EPHB4: variants seen among roughly 807,000 people sequenced by gnomAD.
EPHB4 encodes the protein ephrin type-B receptor 4.
A neutral mutation model predicts 110.6 loss-of-function variants in EPHB4; 50 were observed. That is an observed-to-expected ratio of 0.45 (90% CI 0.36 to 0.57). EPHB4 has a LOEUF of 0.57. EPHB4 is among the 20% of genes least tolerant of loss of function. The pLI, the probability that EPHB4 is intolerant of heterozygous loss-of-function variation, is 0.00. For synonymous variants in EPHB4, 592 were observed against 578.4 expected, an observed-to-expected ratio of 1.02 and a Z score of -0.34; for missense variants, 1,128 against 1,382.1, an observed-to-expected ratio of 0.82 and a Z score of 2.91.
At position 100,820,250 on chromosome 7, in the gene EPHB4, G is replaced by A. The variant is rs1441927981; in HGVS notation, c.855C>T (p.Cys285=). The A allele has an allele frequency of 6.2e-7, 1 of 1,614,034 alleles. No homozygotes were observed. Among genetic ancestry groups the A allele is most frequent in the Non-Finnish European group, 8.5e-7 (1 of 1,179,994 alleles). Residue 285 remains cysteine (C), a synonymous_variant, in exon 5 of 17, where the codon TGC becomes TGT. Transcript: ENST00000358173. ...TFKPLSGEGS[C]QPCPANSHSN... is the part of the protein sequence containing the mutation. ...AGTGGCTATTGGCTGGGCATGGCTG[G>A]CAGGACCCTTCTCCTGACAGGGGCT...
intron 12 of EPHB4, among the ~76,000 whole-genome samples, chr7:100,810,628 A>G (rs1269261569): frequency 6.6e-6 from 1 of 152,104 alleles, no homozygotes; most frequent in Non-Finnish European, 1.5e-5. Flanking sequence ...CTGTAGTTCC[A>G]GCTACCCAGG....
At position 100,805,625 on chromosome 7, in the gene EPHB4, G is replaced by C. The variant is rs1230874925; in HGVS notation, c.2554C>G (p.Leu852Val). 1.3e-6 allele frequency: 2 copies of C among 1,559,772 alleles called. No individual in the cohort carries two copies. The highest frequency in any genetic ancestry group is 2.3e-5 in the East Asian group (1 of 44,094). Residue 852 changes from leucine to valine, a missense_variant, in exon 15 of 17, where the codon CTC (leucine) becomes GTC (valine). Leu to Val is a conservative substitution (Grantham distance 32). This residue lies in a region of EPHB4 where 209 missense variants were observed against 240.5 expected (regional missense o/e 0.87). Transcript: ENST00000358173. Reference protein sequence around the residue: ...PPDCPTSLHQLMLDCWQKDRN... With the variant: ...PPDCPTSLHQVMLDCWQKDRN... ...TCTTTCTGCCAACAGTCCAGCATGA[G>C]CTGGTGGAGGGAGGTGGGACAGTCT...
chr7:100,813,774 C>T (rs1813003091), intron 9 of EPHB4, 58 bp from the exon 10 acceptor site: 12 of 1,610,988 alleles, frequency 7.4e-6, no homozygotes, highest in Non-Finnish European at 1.0e-5. Flanking sequence ...TTATGAGGCA[C>T]ACACACCAAA....
rs200520910 is a variant in EPHB4 at position 100,812,822 on chromosome 7, G to A, written c.2043C>T (p.Gly681=). The part of the protein sequence containing the change: ...FEHPNIIRLE[G]VVTNSMPVMI... ...TGACGGGCATGCTGTTGGTGACCACGCCCTCCAGGCGGATGATATTGGGGT... is the reference window on the plus strand; with the variant it reads ...TGACGGGCATGCTGTTGGTGACCACACCCTCCAGGCGGATGATATTGGGGT... The change falls in exon 12 of 17, where the codon GGC becomes GGT. Residue 681 remains glycine (G), a synonymous_variant. Transcript: ENST00000358173. 10 of 1,614,228 alleles carry A rather than the reference G, an allele frequency of 6.2e-6. No homozygotes were observed. The highest frequency in any genetic ancestry group is 1.6e-4 in the Middle Eastern group (1 of 6,062).
intron 12 of EPHB4, among the ~76,000 whole-genome samples, chr7:100,809,851 C>T (rs933911679): frequency 6.6e-6 from 1 of 152,194 alleles, no homozygotes; most frequent in Non-Finnish European, 1.5e-5. Flanking sequence ...CGGTGGCTCA[C>T]GCGTTTAATC....
rs535065370 is a variant in EPHB4 at position 100,820,397 on chromosome 7, G to A, written c.809-101C>T. 159 of 1,426,250 alleles carry A rather than the reference G, an allele frequency of 1.1e-4. No homozygotes were observed. The South Asian group carries it at 2.2e-3, about 20-fold the overall frequency. 88.3% of individuals were successfully genotyped at this position (1,426,250 alleles called of 1,614,324 possible). A position where few individuals can be genotyped will look rare whatever the true frequency, so the allele number is the denominator to read the frequency against. On this transcript the variant is annotated intron_variant, in intron 4 of 16. Transcript: ENST00000358173. ...TCGAATCCCAGCACTTTGGGAGGCT[G>A]AGGCTGGAGGATCGCTTGAGCCAAG...
chr7:100,816,907 C>T (rs1372321942), intron 8 of EPHB4, among the ~76,000 whole-genome samples: 1 of 151,976 alleles, frequency 6.6e-6, no homozygotes, highest in Non-Finnish European at 1.5e-5. Context: ...CGCGGTGAAG[C>T]CCCGTCTCTA....
At chr7:100,824,070 A>C in intron 2 of EPHB4, 133 bp downstream of exon 2, 1 of 1,528,160 alleles carries the variant, frequency 6.5e-7, no homozygotes, top group Non-Finnish European at 8.9e-7. Context: ...AGAAGGGCTC[A>C]GACGACACTG....
chr7:100,819,142 C>T (rs1813154654), intron 6 of EPHB4, among the ~76,000 whole-genome samples: 1 of 151,438 alleles, frequency 6.6e-6, no homozygotes, highest in African/African-American at 2.4e-5. Flanking sequence ...GGATCTCACA[C>T]TGCTCTGTCA....
At chr7:100,807,887 C>T (rs1812851450) in intron 12 of EPHB4, among the ~76,000 whole-genome samples, 1 of 152,140 alleles carries the variant, frequency 6.6e-6, no homozygotes, top group East Asian at 1.9e-4. Flanking sequence ...CCTGGGTCTC[C>T]CAAAGCACTG....
intron 7 of EPHB4, among the ~76,000 whole-genome samples, chr7:100,817,735 G>T (rs1250022480): frequency 6.6e-6 from 1 of 151,876 alleles, no homozygotes; most frequent in African/African-American, 2.4e-5. Flanking sequence ...TCACCTTGTT[G>T]GCCAGGCTGG....
Position 100,813,988 on chromosome 7 carries a change from A to G in EPHB4, c.1622T>C (p.Ile541Thr), listed in dbSNP as rs1333388190. Reference sequence around the variant, plus strand: ...CACACCCACGACTGCCGTGCCCGCAATCAGGGCCAGCTGCTCCCGCCAGCC... The same window carrying G: ...CACACCCACGACTGCCGTGCCCGCAGTCAGGGCCAGCTGCTCCCGCCAGCC... ...SEGWREQLAL[I>T]AGTAVVGVVL... Residue 541 changes from isoleucine to threonine, a missense_variant, in exon 9 of 17, where the codon ATT becomes ACT. By Grantham distance (89) the Ile-to-Thr change is moderately conservative. Coordinates refer to ENST00000358173, the MANE Select transcript of EPHB4 (RefSeq NM_004444.5). 6.2e-7 allele frequency: 1 copy of G among 1,614,034 alleles called. No homozygotes were observed. The highest frequency in any genetic ancestry group is 1.3e-5 in the African/African-American group (1 of 74,942).
rs927472085 is a variant in EPHB4 at position 100,807,535 on chromosome 7, G to A, written c.2164C>T (p.Arg722Trp). ...TACCGCATGCCCGAGGCGATGCCCC[G>A]CAGCATGCCCACGAGCTGGATGACT... is the stretch of plus-strand genomic sequence containing the variant. ...FTVIQLVGMLRGIASGMRYLA... is the reference protein window; with the variant it reads ...FTVIQLVGMLWGIASGMRYLA... Residue 722 changes from arginine (R) to tryptophan (W), a missense_variant, in exon 13 of 17, where the codon CGG (arginine) becomes TGG (tryptophan). By Grantham distance (101) the Arg-to-Trp change is moderately radical. This residue lies in a region of EPHB4 where 191 missense variants were observed against 313.0 expected (regional missense o/e 0.61). Coordinates refer to ENST00000358173, the MANE Select transcript of EPHB4 (RefSeq NM_004444.5). 11 of 1,614,126 alleles carry A rather than the reference G, an allele frequency of 6.8e-6. No individual in the cohort carries two copies. Among genetic ancestry groups the A allele is most frequent in the Non-Finnish European group, 9.3e-6 (11 of 1,180,020 alleles).
Position 100,805,694 on chromosome 7 carries a change from C to T in EPHB4, c.2485G>A (p.Val829Met). ...TAGTCCTGTTCAATGGCATTGATCACCTGGAAAGAGGGGAAGAAGCTCTGG... is the reference window on the plus strand; with the variant it reads ...TAGTCCTGTTCAATGGCATTGATCATCTGGAAAGAGGGGAAGAAGCTCTGG... Reference protein sequence around the residue: ...RPYWDMSNQDVINAIEQDYRL... With the variant: ...RPYWDMSNQDMINAIEQDYRL... Residue 829 changes from valine to methionine, a missense_variant and splice_region_variant, in exon 15 of 17, where the codon GTG (valine) becomes ATG (methionine). This residue lies in a region of EPHB4 where 209 missense variants were observed against 240.5 expected (regional missense o/e 0.87). Coordinates refer to ENST00000358173, the MANE Select transcript of EPHB4 (RefSeq NM_004444.5). 1.4e-6 allele frequency: 2 copies of T among 1,469,312 alleles called. No individual in the cohort carries two copies. The highest frequency in any genetic ancestry group is 1.8e-6 in the Non-Finnish European group (2 of 1,110,550). 91.0% of individuals were successfully genotyped at this position (1,469,312 alleles called of 1,614,324 possible).
chr7:100,813,292 C>T, intron 10 of EPHB4, 84 bp from the exon 11 acceptor site: 1 of 1,045,218 alleles, frequency 9.6e-7, no homozygotes, highest in Non-Finnish European at 1.4e-6. Context: ...TAGCCCCAAA[C>T]CCCTGTCTCC....
intron 6 of EPHB4, 110 bp downstream of exon 6, chr7:100,819,447 C>A: frequency 1.6e-6 from 2 of 1,268,588 alleles, no homozygotes; most frequent in Non-Finnish European, 2.2e-6. Flanking sequence ...AAAGCCTTAG[C>A]CCCTCACACT....
At position 100,822,608 on chromosome 7, in the gene EPHB4, C is replaced by G. The variant is rs889842955; in HGVS notation, c.471G>C (p.Gly157=). 2 of 1,605,774 alleles carry G rather than the reference C, an allele frequency of 1.2e-6. No homozygotes were observed. Among genetic ancestry groups the G allele is most frequent in the Non-Finnish European group, 1.7e-6 (2 of 1,174,720 alleles). The change falls in exon 4 of 17, where the codon GGG becomes GGC. Residue 157 remains glycine, a synonymous_variant. Transcript: ENST00000358173. The surrounding 1 kb of genome is among the most constrained non-coding windows in gnomAD (Gnocchi z 4.7). ...GACGCAGCGTCTTGACATTCACCTT[C>G]CCGGTGGCCTCGGCCCCAGGGCGCT... ...TRKRPGAEAT[G]KVNVKTLRLG... is the part of the protein sequence containing the mutation.
chr7:100,817,864 T>TA (rs980341097), intron 7 of EPHB4, among the ~76,000 whole-genome samples: 3 of 124,088 alleles, frequency 2.4e-5, no homozygotes, highest in Non-Finnish European at 5.0e-5. Context: ...TTTGCGTTTT[T>TA]TTTTTTTTTT....
Position 100,822,111 on chromosome 7 carries a change from G to A in EPHB4, c.808+160C>T, listed in dbSNP as rs914746633. 3.3e-5 allele frequency among the ~76,000 whole-genome samples: 5 copies of A among 152,200 alleles called. No individual in the cohort carries two copies. Among genetic ancestry groups the A allele is most frequent in the African/African-American group, 1.2e-4 (5 of 41,450 alleles). On this transcript the variant is annotated intron_variant, in intron 4 of 16. Transcript: ENST00000358173. The surrounding 1 kb of genome is among the most constrained non-coding windows in gnomAD (Gnocchi z 4.7). Reference sequence around the variant, plus strand: ...GACCCGGGAGGCAAAGGTTGCAGTTGAGCAGAGATTGTGCCACTGCACTCC... The same window carrying A: ...GACCCGGGAGGCAAAGGTTGCAGTTAAGCAGAGATTGTGCCACTGCACTCC...
Sources: allele counts gnomAD v4.1 joint callset (sites outside exome capture counted in the v4.1 genomes callset), GRCh38; gene constraint gnomAD v4.1.1; regional missense constraint gnomAD v4.1.1; non-coding constraint Gnocchi (gnomAD v3.1); transcripts MANE v1.5; gene names NCBI Gene and HGNC (gene_info 2026-07-23, HGNC 2026-07-21).